The following TMEM260 variants were observed in gnomAD, a reference collection of about 807,000 sequenced individuals.
The protein encoded by TMEM260 is protein O-mannosyl-transferase TMEM260.
A neutral mutation model predicts 88.9 loss-of-function variants in TMEM260; 82 were observed. The observed-to-expected ratio is 0.92, with a 90% CI of 0.77 to 1.11. The LOEUF is 1.11. Among genes scored for constraint, TMEM260 ranks in the 50% least tolerant of loss-of-function variants. TMEM260 has a pLI of 0.00. For missense variants in TMEM260, 902 were observed against 853.4 expected (o/e 1.06, Z -0.71); for synonymous variants, 314 against 309.3 (o/e 1.02, Z -0.16).
intron 10 of TMEM260, among the ~76,000 whole-genome samples, chr14:56,620,970 C>T (rs1887879334): frequency 6.6e-6 from 1 of 152,092 alleles, no homozygotes; most frequent in African/African-American, 2.4e-5. Context: ...ACTCGTCCTC[C>T]CCTTGCTTCT....
chr14:56,597,543 T>C (rs1886321883), intron 3 of TMEM260, among the ~76,000 whole-genome samples: 1 of 152,228 alleles, frequency 6.6e-6, no homozygotes, highest in Non-Finnish European at 1.5e-5. Context: ...AAAGGTTTTT[T>C]ATGTCATGAT....
intron 3 of TMEM260, among the ~76,000 whole-genome samples, chr14:56,599,398 C>G (rs1178284166): frequency 6.6e-6 from 1 of 152,152 alleles, no homozygotes; most frequent in Non-Finnish European, 1.5e-5. Context: ...TGCTCCATCT[C>G]CACAGTCTCT....
rs1888733022 is a variant in TMEM260, at chr14:56,632,997, A to G, written c.1550A>G (p.Lys517Arg). 6.2e-7 allele frequency: 1 copy of G among 1,613,442 alleles called. No homozygotes were observed. Among genetic ancestry groups the G allele is most frequent in the East Asian group, 2.2e-5 (1 of 44,828 alleles). The change falls in exon 13 of 16, where the codon AAA becomes AGA. Residue 517 changes from lysine to arginine, a missense_variant and splice_region_variant. Coordinates refer to ENST00000261556, the MANE Select transcript of TMEM260 (RefSeq NM_017799.4). ...ATGTATTTTTCTGTTTCCAACAGAA[A>G]AGAAACATTTGTTTGCATAGGAATT... ...LYHFLEVNKQKETFVCIGIHE... is the reference protein window; with the variant it reads ...LYHFLEVNKQRETFVCIGIHE...
rs1326873899 is a variant in TMEM260 at position 56,649,144 on chromosome 14, A to G, written c.*1647A>G. On this transcript the variant is annotated 3_prime_UTR_variant, in exon 16 of 16. Transcript: ENST00000261556. ...AACAGTTCAGCTGTTAGGAAGACAAATAAATGGAGGAGCTCATTAATCCGC... is the reference window on the plus strand; with the variant it reads ...AACAGTTCAGCTGTTAGGAAGACAAGTAAATGGAGGAGCTCATTAATCCGC... The G allele has an allele frequency of 6.6e-6, 1 of 152,656 alleles. No homozygotes were observed. The highest frequency in any genetic ancestry group is 1.9e-4 in the East Asian group (1 of 5,194). 9.5% of individuals were successfully genotyped at this position (152,656 alleles called of 1,614,324 possible).
chr14:56,605,278 A>C (rs1423339444), intron 4 of TMEM260, among the ~76,000 whole-genome samples: 1 of 152,210 alleles, frequency 6.6e-6, no homozygotes, highest in Admixed American at 6.5e-5. Flanking sequence ...GCATTACACA[A>C]TACCCTATTA....
rs1343597121 is a variant in TMEM260 at position 56,621,691 on chromosome 14, G to C, written c.1387G>C (p.Val463Leu). The C allele has an allele frequency of 6.2e-7, 1 of 1,608,142 alleles. No homozygotes were observed. Among genetic ancestry groups the C allele is most frequent in the East Asian group, 2.2e-5 (1 of 44,804 alleles). ...GGGGTTGAGGCCTGACATTTCATTAGTGGATCAGGAAGTAAGTATATGAAA... is the reference window on the plus strand; with the variant it reads ...GGGGTTGAGGCCTGACATTTCATTACTGGATCAGGAAGTAAGTATATGAAA... ...CEGLRPDISL[V>L]DQEMMTYEWY... is the part of the protein sequence containing the mutation. The change falls in exon 11 of 16, where the codon GTG becomes CTG. Residue 463 changes from valine to leucine, a missense_variant. Transcript: ENST00000261556.
intron 14 of TMEM260, among the ~76,000 whole-genome samples, chr14:56,635,624 A>G (rs1255110822): frequency 6.6e-6 from 1 of 152,212 alleles, no homozygotes; most frequent in East Asian, 1.9e-4. Context: ...TCAAAATAAC[A>G]CTAACAAACT....
At chr14:56,615,173 C>G (rs1002321055) in intron 7 of TMEM260, among the ~76,000 whole-genome samples, 3 of 152,118 alleles carry the variant, frequency 2.0e-5, no homozygotes, top group Non-Finnish European at 4.4e-5. Flanking sequence ...GTAAAATACA[C>G]ATTGTATGGT....
chr14:56,637,810 C>T (rs1481897281), intron 15 of TMEM260, among the ~76,000 whole-genome samples: 1 of 152,142 alleles, frequency 6.6e-6, no homozygotes, highest in Non-Finnish European at 1.5e-5. Context: ...TTCTCGAGCA[C>T]CCACTCCATA....
chr14:56,589,946 A>C (rs1302020614), intron 3 of TMEM260, among the ~76,000 whole-genome samples: 3 of 152,176 alleles, frequency 2.0e-5, no homozygotes, highest in Non-Finnish European at 4.4e-5. Context: ...TTCCAGCTCA[A>C]AGAGTATTTT....
chr14:56,630,257 T>TAG (rs1888501922), intron 12 of TMEM260, among the ~76,000 whole-genome samples: 1 of 152,172 alleles, frequency 6.6e-6, no homozygotes, highest in Non-Finnish European at 1.5e-5. Flanking sequence ...TGTTTGGAGT[T>TAG]TTCCAAATTT....
chr14:56,618,527 A>G (rs1324674403), intron 9 of TMEM260, 67 bp from the exon 10 acceptor site: 1 of 1,461,136 alleles, frequency 6.8e-7, no homozygotes, highest in South Asian at 1.3e-5. Context: ...TTTAAAAAAT[A>G]TATGAGGAGC....
Position 56,625,534 on chromosome 14 carries a change from A to G in TMEM260, c.1547+4A>G, listed in dbSNP as rs1461050978. ...ATTTTCTTGAAGTAAATAAACAGTA[A>G]GCATTCTTTTTATATAATAGCTTTT... On this transcript the variant is annotated splice_donor_region_variant and intron_variant, in intron 12 of 15. Transcript: ENST00000261556. The G allele has an allele frequency of 1.3e-6, 2 of 1,580,724 alleles. No homozygotes were observed. Among genetic ancestry groups the G allele is most frequent in the Non-Finnish European group, 1.7e-6 (2 of 1,156,420 alleles).
chr14:56,612,692 T>TC (rs995818688), intron 7 of TMEM260: 4 of 152,634 alleles, frequency 2.6e-5, no homozygotes, highest in African/African-American at 1.0e-4. Context: ...GACAGTTTTT[T>TC]CCCCAACTTT....
At position 56,618,717 on chromosome 14, in the gene TMEM260, C is replaced by G. The variant is rs778297038; in HGVS notation, c.1180C>G (p.Leu394Val). ...NSNGLQCLEW[L>V]SATLFVVYQI... ...CAATGGGCTTCAGTGTCTGGAATGG[C>G]TTTCTGCAACTCTTTTTGTAGTTTA... The change falls in exon 10 of 16, where the codon CTT (leucine) becomes GTT (valine). Residue 394 changes from leucine (L) to valine (V), a missense_variant. Physicochemically the swap from Leu to Val is conservative, Grantham distance 32. Transcript: ENST00000261556. 2 of 1,614,134 alleles carry G rather than the reference C, an allele frequency of 1.2e-6. No homozygotes were observed. The highest frequency in any genetic ancestry group is 2.2e-5 in the South Asian group (2 of 91,072).
At chr14:56,586,130 C>A (rs1438137891) in intron 3 of TMEM260, among the ~76,000 whole-genome samples, 1 of 152,190 alleles carries the variant, frequency 6.6e-6, no homozygotes, top group African/African-American at 2.4e-5. Flanking sequence ...GTCACCAGTT[C>A]ATTATCACAG....
At chr14:56,588,039 T>C (rs1885621188) in intron 3 of TMEM260, among the ~76,000 whole-genome samples, 1 of 152,082 alleles carries the variant, frequency 6.6e-6, no homozygotes, top group Non-Finnish European at 1.5e-5. Flanking sequence ...CTTTTTCCTG[T>C]TCCAGTGTAC....
intron 15 of TMEM260, among the ~76,000 whole-genome samples, chr14:56,641,871 G>A (rs531118699): frequency 1.3e-5 from 2 of 151,132 alleles, no homozygotes; most frequent in African/African-American, 2.5e-5. Flanking sequence ...CCTAGTCTCT[G>A]ATAAAACAGA....
intron 10 of TMEM260, among the ~76,000 whole-genome samples, chr14:56,619,829 C>G (rs927507531): frequency 3.9e-5 from 6 of 152,194 alleles, no homozygotes; most frequent in Non-Finnish European, 1.5e-5. Flanking sequence ...CATAAAGACA[C>G]ATGCATGCGA....
Sources: gnomAD v4.1 joint callset for allele counts (sites outside exome capture counted in the v4.1 genomes callset) on GRCh38, gnomAD v4.1.1 for gene constraint, MANE v1.5 for transcripts, NCBI Gene and HGNC (gene_info 2026-07-23, HGNC 2026-07-21) for gene names.